The following GPC5 variants were observed in gnomAD, a reference collection of about 807,000 sequenced individuals.
GPC5 encodes the protein glypican-5.
In GPC5, 47 loss-of-function variants were observed where a neutral mutation model predicts 53.9. That is an observed-to-expected ratio of 0.87 (90% CI 0.69 to 1.11). The LOEUF (loss-of-function observed/expected upper bound fraction) is 1.11. Among genes scored for constraint, GPC5 ranks in the 50% most tolerant of loss-of-function variants. The pLI is 0.00. For missense variants in GPC5, 748 were observed against 713.1 expected (o/e 1.05, Z -0.56); for synonymous variants, 286 against 263.3 (o/e 1.09, Z -0.84).
Position 92,025,236 on chromosome 13 carries a change from A to G in GPC5, c.1401+117179A>G, listed in dbSNP as rs181099334. 9.7e-4 allele frequency among the ~76,000 whole-genome samples: 147 copies of G among 152,218 alleles called. 2 individuals carry two copies. The highest frequency in any genetic ancestry group is 3.1e-3 in the African/African-American group (130 of 41,528). On this transcript the variant is annotated intron_variant, in intron 6 of 7. Transcript: ENST00000377067. ...CTAGTTAAGATTCTTAACAATTTAT[A>G]GTTGGACAGCTTTTCCCAAGACTAC...
At chr13:91,660,134 T>A (rs1307017558) in intron 2 of GPC5, among the ~76,000 whole-genome samples, 7 of 152,232 alleles carry the variant, frequency 4.6e-5, no homozygotes, top group Non-Finnish European at 1.0e-4. Context: ...TCTAGCTGGC[T>A]CTACATTGGA....
chr13:92,184,994 A>T (rs1297178773), intron 7 of GPC5, among the ~76,000 whole-genome samples: 1 of 152,210 alleles, frequency 6.6e-6, no homozygotes, highest in Non-Finnish European at 1.5e-5. Context: ...AAATGCTAGA[A>T]AGGAGAATTT....
At chr13:91,645,699 C>T (rs900050867) in intron 2 of GPC5, among the ~76,000 whole-genome samples, 12 of 152,342 alleles carry the variant, frequency 7.9e-5, no homozygotes, top group African/African-American at 2.9e-4. Flanking sequence ...AGTCAGTCAT[C>T]CACATTTATT....
chr13:92,119,187 C>T (rs577441035), intron 6 of GPC5, among the ~76,000 whole-genome samples: 1 of 151,948 alleles, frequency 6.6e-6, no homozygotes, highest in African/African-American at 2.4e-5. Flanking sequence ...AGGGGAACTC[C>T]CCTTTATAAA....
intron 2 of GPC5, among the ~76,000 whole-genome samples, chr13:91,454,972 A>G (rs143117002): frequency 1.9e-3 from 282 of 152,192 alleles, no homozygotes; most frequent in African/African-American, 6.5e-3. Context: ...TTATGTGTTG[A>G]GTAAAGGACA....
chr13:91,672,132 T>C (rs1016708061), intron 2 of GPC5, among the ~76,000 whole-genome samples: 4 of 152,042 alleles, frequency 2.6e-5, no homozygotes, highest in Admixed American at 2.0e-4. Context: ...CCCAAAACCA[T>C]AAAAACCCTA....
At chr13:92,508,720 A>G (rs1215628473) in intron 7 of GPC5, among the ~76,000 whole-genome samples, 1 of 152,214 alleles carries the variant, frequency 6.6e-6, no homozygotes, top group Non-Finnish European at 1.5e-5. Context: ...AGGCCCACTC[A>G]AAAGACATTC....
rs1882312207 is a variant in GPC5 at position 92,551,552 on chromosome 13, G to A, written c.1562-314730G>A. On this transcript the variant is annotated intron_variant, in intron 7 of 7. Coordinates refer to ENST00000377067, the MANE Select transcript of GPC5 (RefSeq NM_004466.6). ...ATTTCATCTGAAGGAGCTATTAAGA[G>A]TCAGATAAATGCTTAGTGTAAAGAC... Among the ~76,000 whole-genome samples, 3 of 151,966 alleles carry A rather than the reference G, an allele frequency of 2.0e-5. No homozygotes were observed. The South Asian group carries it at 6.2e-4, about 31-fold the overall frequency.
intron 7 of GPC5, among the ~76,000 whole-genome samples, chr13:92,294,931 C>T (rs990929776): frequency 2.7e-5 from 4 of 148,800 alleles, no homozygotes; most frequent in East Asian, 2.0e-4. Context: ...CCGGTTCAAG[C>T]GATTCTCCTG....
intron 7 of GPC5, among the ~76,000 whole-genome samples, chr13:92,742,694 C>G (rs898609763): frequency 6.6e-6 from 1 of 152,074 alleles, no homozygotes; most frequent in Admixed American, 6.6e-5. Context: ...AGGTTTTCTT[C>G]CAGGGTTTTT....
At chr13:92,724,181 A>C (rs1888575204) in intron 7 of GPC5, among the ~76,000 whole-genome samples, 1 of 151,608 alleles carries the variant, frequency 6.6e-6, no homozygotes, top group African/African-American at 2.4e-5. Context: ...GTCAAAAAAT[A>C]AATTAAGGCT....
intron 7 of GPC5, among the ~76,000 whole-genome samples, chr13:92,589,142 C>G (rs903102012): frequency 6.6e-6 from 1 of 152,162 alleles, no homozygotes; most frequent in African/African-American, 2.4e-5. Context: ...ATGGTAGGTC[C>G]TAGTAAATTA....
intron 2 of GPC5, among the ~76,000 whole-genome samples, chr13:91,510,976 C>A (rs1032264156): frequency 5.3e-5 from 8 of 151,696 alleles, no homozygotes; most frequent in African/African-American, 7.3e-5. Flanking sequence ...TTTTTTTATA[C>A]TGTACTGCTT....
chr13:92,330,085 G>A (rs758882890), intron 7 of GPC5, among the ~76,000 whole-genome samples: 4 of 152,104 alleles, frequency 2.6e-5, no homozygotes, highest in Non-Finnish European at 5.9e-5. Context: ...TTGTTGGAAA[G>A]CTGATTGAAT....
At chr13:92,211,018 C>A (rs1009421595) in intron 7 of GPC5, among the ~76,000 whole-genome samples, 2 of 152,098 alleles carry the variant, frequency 1.3e-5, no homozygotes, top group East Asian at 1.9e-4. Context: ...TAAACAACTC[C>A]TTTAATATGA....
At chr13:92,085,279 G>T (rs1339810882) in intron 6 of GPC5, among the ~76,000 whole-genome samples, 3 of 152,202 alleles carry the variant, frequency 2.0e-5, no homozygotes, top group Non-Finnish European at 4.4e-5. Flanking sequence ...AGTTACTGAA[G>T]TTGCAAAAAT....
intron 7 of GPC5, among the ~76,000 whole-genome samples, chr13:92,217,010 T>G (rs1361474441): frequency 6.6e-6 from 1 of 150,822 alleles, no homozygotes; most frequent in Non-Finnish European, 1.5e-5. Context: ...GTCATCTGAC[T>G]TGCCCACAGT....
intron 7 of GPC5, among the ~76,000 whole-genome samples, chr13:92,840,805 A>G (rs1315072927): frequency 6.6e-6 from 1 of 152,084 alleles, no homozygotes; most frequent in Admixed American, 6.6e-5. Flanking sequence ...TTTTCAGTGT[A>G]CAAGTCTTTT....
intron 6 of GPC5, among the ~76,000 whole-genome samples, chr13:92,023,519 TG>T (rs1383215934): frequency 6.6e-6 from 1 of 152,064 alleles, no homozygotes; most frequent in East Asian, 1.9e-4. Flanking sequence ...TGTCATTTGC[TG>T]TTATTCTCAG....
Sources: gnomAD v4.1 joint callset for allele counts (sites outside exome capture counted in the v4.1 genomes callset) on GRCh38, gnomAD v4.1.1 for gene constraint, MANE v1.5 for transcripts, NCBI Gene and HGNC (gene_info 2026-07-23, HGNC 2026-07-21) for gene names.